Variants in TMEM132D observed in about 807,000 individuals in gnomAD.
TMEM132D encodes the protein transmembrane protein 132D, also known as mature OL transmembrane protein.
In TMEM132D, 21 loss-of-function variants were observed where a neutral mutation model predicts 62.3. The ratio of observed to expected loss-of-function variants is 0.34; its 90% CI spans 0.24 to 0.49. TMEM132D has a LOEUF of 0.49. TMEM132D is among the 20% of genes least tolerant of loss of function. TMEM132D has a pLI of 0.99. For missense variants in TMEM132D, 1,346 were observed against 1,402.8 expected (o/e 0.96, Z 0.65); for synonymous variants, 621 against 575.6 (o/e 1.08, Z -1.13).
chr12:129,539,416 T>TC (rs1247864645), intron 2 of TMEM132D, among the ~76,000 whole-genome samples: 1 of 148,428 alleles, frequency 6.7e-6, no homozygotes, highest in African/African-American at 2.5e-5. Context: ...TTTTTTTTTT[T>TC]TTTTTTGAGA....
chr12:129,891,604 C>A (rs972808367), intron 1 of TMEM132D, among the ~76,000 whole-genome samples: 1 of 152,142 alleles, frequency 6.6e-6, no homozygotes, highest in Non-Finnish European at 1.5e-5. Context: ...TCTCCTCATA[C>A]TTTTTTGGCC....
intron 5 of TMEM132D, among the ~76,000 whole-genome samples, chr12:129,125,341 A>T (rs1245349902): frequency 6.6e-6 from 1 of 152,182 alleles, no homozygotes; most frequent in Non-Finnish European, 1.5e-5. Flanking sequence ...TTGGTTCAGC[A>T]GTTCTAAGCT....
intron 1 of TMEM132D, among the ~76,000 whole-genome samples, chr12:129,740,813 A>G (rs962679783): frequency 2.0e-5 from 3 of 152,230 alleles, no homozygotes; most frequent in African/African-American, 7.2e-5. Context: ...GATGATATAG[A>G]GCTCACACTG....
At position 129,524,817 on chromosome 12, in the gene TMEM132D, T is replaced by C. The variant is rs1875964194; in HGVS notation, c.1115+6242A>G. Among the ~76,000 whole-genome samples the C allele has an allele frequency of 2.6e-5, 4 of 151,802 alleles. No individual in the cohort carries two copies. The South Asian group carries it at 8.3e-4, about 32-fold the overall frequency. On this transcript the variant is annotated intron_variant, in intron 3 of 8. Transcript: ENST00000422113. ...TTGCAGTGAGCGGAGACTGCGCCAC[T>C]GTACTCCAGCCTAGCGACAGAGTGA... is the stretch of plus-strand genomic sequence containing the variant.
intron 2 of TMEM132D, among the ~76,000 whole-genome samples, chr12:129,678,697 A>G (rs983298536): frequency 6.6e-6 from 1 of 152,046 alleles, no homozygotes; most frequent in Admixed American, 6.6e-5. Context: ...AGAAAGTCTA[A>G]ATCCTTTTCT....
At chr12:129,871,648 T>C (rs1331426469) in intron 1 of TMEM132D, among the ~76,000 whole-genome samples, 1 of 152,168 alleles carries the variant, frequency 6.6e-6, no homozygotes, top group Non-Finnish European at 1.5e-5. Context: ...AACTAGTTCA[T>C]ACTGGCTTGC....
chr12:129,404,782 G>A (rs758504971), intron 3 of TMEM132D, among the ~76,000 whole-genome samples: 19 of 151,894 alleles, frequency 1.3e-4, no homozygotes, highest in African/African-American at 3.1e-4. Flanking sequence ...TAAGCCATTC[G>A]TGAGAGATCT....
intron 4 of TMEM132D, among the ~76,000 whole-genome samples, chr12:129,286,878 T>C (rs1321597279): frequency 1.3e-5 from 2 of 152,036 alleles, no homozygotes; most frequent in African/African-American, 2.4e-5. Flanking sequence ...TGAAACCCCG[T>C]CTCTACTAAA....
At chr12:129,522,831 AAGATAT>A (rs1875891479) in intron 3 of TMEM132D, 1 of 152,108 alleles carries the variant, frequency 6.6e-6, no homozygotes, top group Non-Finnish European at 1.5e-5. Context: ...TGGTATGGAT[AAGATAT>A]AGATATAAAT....
At chr12:129,424,411 AT>A (rs1872427711) in intron 3 of TMEM132D, among the ~76,000 whole-genome samples, 2 of 152,048 alleles carry the variant, frequency 1.3e-5, no homozygotes, top group Non-Finnish European at 2.9e-5. Context: ...CACCCATTGG[AT>A]GATACTCTCT....
intron 3 of TMEM132D, among the ~76,000 whole-genome samples, chr12:129,377,539 G>C (rs1390860800): frequency 6.6e-6 from 1 of 152,082 alleles, no homozygotes; most frequent in Non-Finnish European, 1.5e-5. Context: ...AAAATTAACT[G>C]TTCTTCTTAC....
intron 4 of TMEM132D, among the ~76,000 whole-genome samples, chr12:129,255,274 T>C (rs909956564): frequency 1.3e-5 from 2 of 152,194 alleles, no homozygotes; most frequent in Non-Finnish European, 2.9e-5. Context: ...CATTTCTTTA[T>C]AGTAGTGTGA....
intron 3 of TMEM132D, among the ~76,000 whole-genome samples, chr12:129,438,254 C>T (rs1388541990): frequency 6.6e-6 from 1 of 152,074 alleles, no homozygotes; most frequent in South Asian, 2.1e-4. Context: ...TGGGTATATA[C>T]CCAGTAATGG....
intron 3 of TMEM132D, among the ~76,000 whole-genome samples, chr12:129,511,656 A>G (rs2137074176): frequency 6.6e-6 from 1 of 152,276 alleles, no homozygotes; most frequent in African/African-American, 2.4e-5. Flanking sequence ...TCTCTGTTCA[A>G]ATATGTTGCC....
At chr12:129,782,082 T>C (rs1316532064) in intron 1 of TMEM132D, among the ~76,000 whole-genome samples, 1 of 152,202 alleles carries the variant, frequency 6.6e-6, no homozygotes, top group African/African-American at 2.4e-5. Context: ...ACATATAGCA[T>C]AGTACAGGCT....
At chr12:129,300,573 A>G (rs1358732240) in intron 4 of TMEM132D, among the ~76,000 whole-genome samples, 1 of 152,158 alleles carries the variant, frequency 6.6e-6, no homozygotes, top group Admixed American at 6.5e-5. Flanking sequence ...GGTGTGTTGG[A>G]AAGACTGTGT....
intron 4 of TMEM132D, among the ~76,000 whole-genome samples, chr12:129,218,599 G>C (rs1018887872): frequency 6.6e-6 from 1 of 152,198 alleles, no homozygotes; most frequent in Non-Finnish European, 1.5e-5. Flanking sequence ...ATTGTTGACC[G>C]AAATGTTGGT....
intron 3 of TMEM132D, among the ~76,000 whole-genome samples, chr12:129,517,441 T>G (rs1274925631): frequency 2.0e-5 from 3 of 151,664 alleles, no homozygotes; most frequent in Non-Finnish European, 4.4e-5. Flanking sequence ...AAGGGGTGAG[T>G]CAGAGGGTCT....
At chr12:129,390,284 T>C (rs1452310060) in intron 3 of TMEM132D, among the ~76,000 whole-genome samples, 1 of 152,186 alleles carries the variant, frequency 6.6e-6, no homozygotes, top group East Asian at 1.9e-4. Flanking sequence ...AGATCATCTA[T>C]GGCTCCTTAT....
Sources: gnomAD v4.1 joint callset for allele counts (sites outside exome capture counted in the v4.1 genomes callset) on GRCh38, gnomAD v4.1.1 for gene constraint, MANE v1.5 for transcripts, NCBI Gene and HGNC (gene_info 2026-07-23, HGNC 2026-07-21) for gene names.